Variants in ALK observed in about 807,000 individuals in gnomAD.
ALK encodes ALK tyrosine kinase receptor.
Under a neutral mutation model 163.1 loss-of-function variants are expected in ALK, and 74 were observed. That is an observed-to-expected ratio of 0.45 (90% CI 0.38 to 0.55). The LOEUF (loss-of-function observed/expected upper bound fraction) is 0.55, where lower values mean the gene tolerates loss of function less well. Among genes scored for constraint, ALK ranks in the 20% least tolerant of loss-of-function variants. The pLI, the probability that ALK is intolerant of heterozygous loss-of-function variation, is 0.00. For synonymous variants in ALK, 960 were observed against 843.2 expected, an observed-to-expected ratio of 1.14 and a Z score of -2.40; for missense variants, 2,063 against 2,105.3, an observed-to-expected ratio of 0.98 and a Z score of 0.39.
At chr2:29,543,906 T>C (rs569860821) in intron 3 of ALK, among the ~76,000 whole-genome samples, 8 of 152,314 alleles carry the variant, frequency 5.3e-5, no homozygotes, top group African/African-American at 4.8e-5. Context: ...GAGACAAATG[T>C]TCAATCCACT....
chr2:29,399,071 G>A (rs920454017), intron 4 of ALK, among the ~76,000 whole-genome samples: 8 of 152,180 alleles, frequency 5.3e-5, no homozygotes, highest in Admixed American at 4.6e-4. Context: ...GGTGGTGCTT[G>A]TTACACTGAC....
intron 26 of ALK, among the ~76,000 whole-genome samples, chr2:29,201,745 C>T (rs1452867356): frequency 6.6e-6 from 1 of 150,966 alleles, no homozygotes; most frequent in Non-Finnish European, 1.5e-5. Context: ...TGAGATGGCG[C>T]CACTGTACTC....
At chr2:29,448,076 A>G (rs557249120) in intron 4 of ALK, among the ~76,000 whole-genome samples, 17 of 152,278 alleles carry the variant, frequency 1.1e-4, no homozygotes, top group African/African-American at 4.1e-4. Context: ...TTTATGGTCT[A>G]TTATTCTTTC....
At chr2:29,376,771 C>A (rs891493298) in intron 5 of ALK, among the ~76,000 whole-genome samples, 4 of 152,236 alleles carry the variant, frequency 2.6e-5, no homozygotes, top group African/African-American at 7.2e-5. Flanking sequence ...ATTTACCCAG[C>A]TGGATTTTGG....
chr2:29,536,016 G>T (rs1319376789), intron 3 of ALK, among the ~76,000 whole-genome samples: 1 of 152,098 alleles, frequency 6.6e-6, no homozygotes, highest in African/African-American at 2.4e-5. Context: ...CCTAGGAAGG[G>T]CTCCTGTACT....
intron 1 of ALK, among the ~76,000 whole-genome samples, chr2:29,815,998 G>A (rs1393759515): frequency 6.6e-6 from 1 of 152,246 alleles, no homozygotes; most frequent in Non-Finnish European, 1.5e-5. Flanking sequence ...GGGCCACATG[G>A]CCAACGGCAT....
chr2:29,834,685 C>T (rs541159096), intron 1 of ALK, among the ~76,000 whole-genome samples: 1 of 152,166 alleles, frequency 6.6e-6, no homozygotes, highest in Non-Finnish European at 1.5e-5. Context: ...GAGGGGAGAT[C>T]ACAAAAATAG....
intron 4 of ALK, among the ~76,000 whole-genome samples, chr2:29,510,680 G>C (rs912300799): frequency 1.3e-5 from 2 of 152,214 alleles, no homozygotes; most frequent in African/African-American, 4.8e-5. Context: ...CAAACAAAGA[G>C]AGTATTGGAT....
chr2:29,722,421 A>C (rs1453426467), intron 1 of ALK, among the ~76,000 whole-genome samples: 2 of 152,120 alleles, frequency 1.3e-5, no homozygotes, highest in East Asian at 3.8e-4. Flanking sequence ...CCGATTTTCA[A>C]CTCCAAATAA....
intron 1 of ALK, among the ~76,000 whole-genome samples, chr2:29,901,323 C>T (rs958844845): frequency 6.6e-6 from 1 of 152,192 alleles, no homozygotes; most frequent in African/African-American, 2.4e-5. Context: ...CTCATCATTG[C>T]CTTATCTGAG....
At chr2:29,653,215 T>C (rs1573530111) in intron 3 of ALK, among the ~76,000 whole-genome samples, 1 of 152,106 alleles carries the variant, frequency 6.6e-6, no homozygotes, top group East Asian at 1.9e-4. Flanking sequence ...CTTCTATCTG[T>C]GTTGACTTTT....
chr2:29,690,808 T>C (rs185081345), intron 3 of ALK, among the ~76,000 whole-genome samples: 85 of 152,318 alleles, frequency 5.6e-4, no homozygotes, highest in African/African-American at 1.8e-3. Flanking sequence ...TTCTGGTCCT[T>C]CTATAACTGA....
At chr2:29,717,771 C>A in intron 1 of ALK, 74 bp from the exon 2 acceptor site, 2 of 1,602,608 alleles carry the variant, frequency 1.2e-6, no homozygotes, top group South Asian at 1.1e-5. Flanking sequence ...CAATATCAGT[C>A]AAAAATGAAG....
intron 3 of ALK, among the ~76,000 whole-genome samples, chr2:29,612,842 T>C (rs1675735094): frequency 6.6e-6 from 1 of 152,184 alleles, no homozygotes. Context: ...TCAGTGATGC[T>C]GTCTTCCCTC....
intron 1 of ALK, among the ~76,000 whole-genome samples, chr2:29,772,066 G>A (rs1386404296): frequency 1.3e-5 from 2 of 152,278 alleles, no homozygotes; most frequent in Non-Finnish European, 2.9e-5. Flanking sequence ...AGATGGCAGG[G>A]CCCAGGATGC....
intron 4 of ALK, among the ~76,000 whole-genome samples, chr2:29,393,564 T>C (rs1044463357): frequency 6.6e-6 from 1 of 152,156 alleles, no homozygotes; most frequent in Non-Finnish European, 1.5e-5. Flanking sequence ...CCCCTTTCTG[T>C]CCCATCCCCT....
At chr2:29,333,269 C>G (rs933504705) in intron 5 of ALK, among the ~76,000 whole-genome samples, 2 of 152,194 alleles carry the variant, frequency 1.3e-5, no homozygotes, top group Non-Finnish European at 1.5e-5. Flanking sequence ...GTGCCTGCCA[C>G]CATGCCTGGC....
chr2:29,275,468 C>A lies in ALK; in HGVS notation c.1846G>T (p.Gly616Ter), dbSNP rs1451987798. 1 of 1,614,048 alleles carries A rather than the reference C, an allele frequency of 6.2e-7. No homozygotes were observed. Among genetic ancestry groups the A allele is most frequent in the East Asian group, 2.2e-5 (1 of 44,876 alleles). The change falls in exon 10 of 29, where the codon GGA (glycine) becomes TGA (stop). Residue 616 changes from glycine (G) to a stop codon, truncating the protein, a stop_gained. Transcript: ENST00000389048. LOFTEE classifies it high-confidence loss of function. The stretch of plus-strand genomic sequence containing the variant: ...GCCACGATGGCTCTGGATCCTTGTC[C>A]CCACCATGCGACCATCTGCAGCCAG... ...RFWLQMVAWW[G>*]QGSRAIVAFD...
intron 4 of ALK, among the ~76,000 whole-genome samples, chr2:29,508,733 CAAAAA>C (rs60719550): frequency 0.27 from 17,814 of 66,838 alleles, 780 homozygotes; most frequent in Middle Eastern, 0.32. Context: ...ATCTGCAACT[CAAAAA>C]AAAAAAAAAA....
Sources: allele counts gnomAD v4.1 joint callset (sites outside exome capture counted in the v4.1 genomes callset), GRCh38; gene constraint gnomAD v4.1.1; transcripts MANE v1.5; gene names NCBI Gene and HGNC (gene_info 2026-07-23, HGNC 2026-07-21).